The following SLC2A9 variants were observed in gnomAD, a reference collection of about 807,000 sequenced individuals.
The protein encoded by SLC2A9 is solute carrier family 2, facilitated glucose transporter member 9.
Under a neutral mutation model 50.6 loss-of-function variants are expected in SLC2A9, and 39 were observed. That is an observed-to-expected ratio of 0.77 (90% CI 0.60 to 1.01). The LOEUF is 1.01. SLC2A9 is among the 50% of genes least tolerant of loss of function. The probability of loss-of-function intolerance (pLI) is 0.00; values close to 1 mark genes in which losing one functional copy is unlikely to be tolerated. For missense variants in SLC2A9, 686 were observed against 677.6 expected, an observed-to-expected ratio of 1.01 and a Z score of -0.14; for synonymous variants, 324 against 276.9, an observed-to-expected ratio of 1.17 and a Z score of -1.69.
At chr4:9,830,851 G>A (rs930952718) in intron 11 of SLC2A9, among the ~76,000 whole-genome samples, 1 of 152,200 alleles carries the variant, frequency 6.6e-6, no homozygotes, top group Non-Finnish European at 1.5e-5. Flanking sequence ...GAGTGTGGAG[G>A]TGAGCATGAA....
intron 3 of SLC2A9, among the ~76,000 whole-genome samples, chr4:9,820,860 G>A (rs1055888029): frequency 6.6e-6 from 1 of 152,198 alleles, no homozygotes; most frequent in African/African-American, 2.4e-5. Context: ...ACAATAATGT[G>A]TGTGAATAGA....
At chr4:9,986,114 G>A (rs1177051277) in intron 3 of SLC2A9, among the ~76,000 whole-genome samples, 2 of 152,232 alleles carry the variant, frequency 1.3e-5, no homozygotes, top group Non-Finnish European at 2.9e-5. Flanking sequence ...CAGGGTCCAG[G>A]CAGGAAAATG....
At chr4:9,930,518 G>C (rs746722770) in intron 6 of SLC2A9, among the ~76,000 whole-genome samples, 1 of 152,160 alleles carries the variant, frequency 6.6e-6, no homozygotes, top group Admixed American at 6.5e-5. Flanking sequence ...CTGTCAGCTC[G>C]GGGCAGCGCT....
chr4:10,032,002 A>G (rs1050675041), intron 1 of SLC2A9, among the ~76,000 whole-genome samples: 4 of 152,204 alleles, frequency 2.6e-5, no homozygotes, highest in African/African-American at 4.8e-5. Flanking sequence ...TCACTCATTC[A>G]TGCGTTCACT....
chr4:9,881,619 T>C (rs1333768696), intron 10 of SLC2A9, among the ~76,000 whole-genome samples: 2 of 152,196 alleles, frequency 1.3e-5, no homozygotes, highest in African/African-American at 4.8e-5. Flanking sequence ...CCTTTTAAAA[T>C]GCAAAAGCCA....
intron 3 of SLC2A9, among the ~76,000 whole-genome samples, chr4:9,806,437 C>T (rs1323348754): frequency 6.6e-6 from 1 of 152,224 alleles, no homozygotes; most frequent in Non-Finnish European, 1.5e-5. Context: ...AGAAATAATG[C>T]TTATCACTGG....
At chr4:9,824,102 T>A (rs1724780821), downstream of SLC2A9, among the ~76,000 whole-genome samples, 1 of 152,126 alleles carries the variant, frequency 6.6e-6, no homozygotes, top group South Asian at 2.1e-4. Flanking sequence ...CCCTCATGAA[T>A]TAATGGATTA....
chr4:10,031,274 A>G (rs1369738996), intron 1 of SLC2A9, among the ~76,000 whole-genome samples: 4 of 152,252 alleles, frequency 2.6e-5, no homozygotes, highest in Non-Finnish European at 5.9e-5. Flanking sequence ...CAGCTTTAAT[A>G]ATCAGCACTG....
At chr4:9,798,507 C>T (rs574466943), downstream of SLC2A9, among the ~76,000 whole-genome samples, 124 of 152,256 alleles carry the variant, frequency 8.1e-4, 1 homozygote, top group Non-Finnish European at 1.4e-3. Flanking sequence ...CCAACTTCCC[C>T]GCCTCACCCA....
At chr4:9,842,715 T>C (rs901858147) in intron 10 of SLC2A9, among the ~76,000 whole-genome samples, 1 of 152,214 alleles carries the variant, frequency 6.6e-6, no homozygotes, top group Non-Finnish European at 1.5e-5. Flanking sequence ...ACTCAATATA[T>C]GTTGCCCAAC....
chr4:9,781,932 T>A (rs967180192), intron 3 of SLC2A9: 3 of 1,107,696 alleles, frequency 2.7e-6, no homozygotes, highest in African/African-American at 3.2e-5. Flanking sequence ...GTCCCTTGGC[T>A]GAGGGGGCGC....
chr4:10,022,904 G>C (rs769156977), upstream of SLC2A9, among the ~76,000 whole-genome samples: 2 of 152,194 alleles, frequency 1.3e-5, no homozygotes, highest in Non-Finnish European at 2.9e-5. Context: ...GAGCACGCCA[G>C]TCATTCAGTG....
At chr4:9,964,881 C>T (rs1752821653) in intron 5 of SLC2A9, among the ~76,000 whole-genome samples, 2 of 152,178 alleles carry the variant, frequency 1.3e-5, no homozygotes, top group Non-Finnish European at 2.9e-5. Context: ...AAATTATGGG[C>T]TGCAAAACCA....
chr4:9,809,305 G>A (rs1722540307), intron 3 of SLC2A9, among the ~76,000 whole-genome samples: 1 of 152,190 alleles, frequency 6.6e-6, no homozygotes, highest in Non-Finnish European at 1.5e-5. Context: ...CAGCCCAGCT[G>A]CGTTGGTTGC....
intron 5 of SLC2A9, among the ~76,000 whole-genome samples, chr4:9,963,953 C>A (rs1752679301): frequency 6.6e-6 from 1 of 152,108 alleles, no homozygotes. Context: ...AATGTGCTGT[C>A]TATTGGGCTT....
chr4:10,007,698 G>A (rs370700774), intron 2 of SLC2A9, among the ~76,000 whole-genome samples: 7 of 152,146 alleles, frequency 4.6e-5, no homozygotes, highest in Admixed American at 6.5e-5. Flanking sequence ...GTGCATTTTC[G>A]CAGACTTGAG....
chr4:9,879,782 C>G, intron 10 of SLC2A9: 37 of 985,458 alleles, frequency 3.8e-5, no homozygotes, highest in Non-Finnish European at 4.0e-5. Context: ...GGAATTGACA[C>G]ATTTTGGCAA....
Position 9,996,131 on chromosome 4 carries a change from G to C in SLC2A9, c.410+650C>G, listed in dbSNP as rs146364149. On this transcript the variant is annotated intron_variant, in intron 3 of 11. Coordinates refer to ENST00000264784, the MANE Select transcript of SLC2A9 (RefSeq NM_020041.3). The stretch of plus-strand genomic sequence containing the variant: ...GGAGAGGGCCTGGGTAGGAAAGGCT[G>C]ATATGAAGTTTTTGATTCTCACTGC... Among the ~76,000 whole-genome samples, 843 of 152,328 alleles carry C rather than the reference G, an allele frequency of 5.5e-3. 3 individuals are homozygous for C. Among genetic ancestry groups the C allele is most frequent in the Non-Finnish European group, 7.6e-3 (515 of 68,030 alleles).
chr4:9,802,350 G>A (rs1320034415), intron 3 of SLC2A9, among the ~76,000 whole-genome samples: 1 of 151,614 alleles, frequency 6.6e-6, no homozygotes, highest in Admixed American at 6.6e-5. Context: ...CTGGCAACGT[G>A]GAAAATACAA....
Sources: allele counts gnomAD v4.1 joint callset (sites outside exome capture counted in the v4.1 genomes callset), GRCh38; gene constraint gnomAD v4.1.1; transcripts MANE v1.5; gene names NCBI Gene and HGNC (gene_info 2026-07-23, HGNC 2026-07-21).